The following RXRA variants were observed in gnomAD, a reference collection of about 807,000 sequenced individuals.
RXRA encodes the protein retinoid X receptor alpha, also known as retinoic acid receptor RXR-alpha.
A neutral mutation model predicts 44.5 loss-of-function variants in RXRA; 5 were observed. The ratio of observed to expected loss-of-function variants is 0.11; its 90% CI spans 0.06 to 0.24. The LOEUF (loss-of-function observed/expected upper bound fraction) is 0.24. Among genes scored for constraint, RXRA ranks in the 10% least tolerant of loss-of-function variants. RXRA has a pLI of 1.00. For missense variants in RXRA, 412 were observed against 646.5 expected, an observed-to-expected ratio of 0.64 and a Z score of 3.93; for synonymous variants, 291 against 271.4, an observed-to-expected ratio of 1.07 and a Z score of -0.71.
chr9:134,371,759 G>A (rs1588270284), intron 1 of RXRA, among the ~76,000 whole-genome samples: 1 of 152,192 alleles, frequency 6.6e-6, no homozygotes, highest in South Asian at 2.1e-4. Flanking sequence ...GAGGATGAGG[G>A]TCATCAACTG....
At chr9:134,379,398 A>G (rs1448272332) in intron 1 of RXRA, 1 of 987,234 alleles carries the variant, frequency 1.0e-6, no homozygotes, top group East Asian at 1.1e-4. Flanking sequence ...CTTCTGGGGC[A>G]CCCTGAGATG....
At chr9:134,367,181 G>A (rs994738015) in intron 1 of RXRA, among the ~76,000 whole-genome samples, 11 of 152,144 alleles carry the variant, frequency 7.2e-5, no homozygotes, top group African/African-American at 2.2e-4. Context: ...CCCCGTGCCC[G>A]CTGGAGCTGC....
chr9:134,386,236 G>A (rs1013287264), intron 1 of RXRA, among the ~76,000 whole-genome samples: 13 of 152,252 alleles, frequency 8.5e-5, no homozygotes, highest in Admixed American at 2.0e-4. Flanking sequence ...TGCATCACCC[G>A]AGGCTGTGGG....
chr9:134,418,107 G>C (rs7034965), intron 5 of RXRA, among the ~76,000 whole-genome samples: 1 of 151,952 alleles, frequency 6.6e-6, no homozygotes, highest in South Asian at 2.1e-4. Flanking sequence ...GGCGTTCTGA[G>C]CCCCTCCTAC....
chr9:134,434,865 G>GT (rs1554757190), intron 9 of RXRA, among the ~76,000 whole-genome samples: 1 of 149,988 alleles, frequency 6.7e-6, no homozygotes, highest in Non-Finnish European at 1.5e-5. Context: ...GTGGGGCGGG[G>GT]AGGGGGTCGG....
At chr9:134,421,500 T>C (rs747588383) in intron 5 of RXRA, among the ~76,000 whole-genome samples, 176 bp from the exon 6 acceptor site, 40 of 152,170 alleles carry the variant, frequency 2.6e-4, no homozygotes, top group Non-Finnish European at 4.4e-5. Context: ...CCAAGCCCCA[T>C]GTGCCATGCA....
intron 2 of RXRA, chr9:134,402,140 C>G: frequency 1.9e-6 from 1 of 536,586 alleles, no homozygotes; most frequent in Non-Finnish European, 3.3e-6. Context: ...GTGGCCCCTT[C>G]CCATGCCGGA....
intron 1 of RXRA, among the ~76,000 whole-genome samples, chr9:134,388,286 T>TGTGTGTGTGTGTGTGTGTGTGAGA (rs71381810): frequency 6.6e-6 from 1 of 150,888 alleles, no homozygotes; most frequent in Non-Finnish European, 1.5e-5. Context: ...AGAAGCAGTG[T>TGTGTGTGTGTGTGTGTGTGTGAGA]GTGTGTGAGT....
Position 134,366,380 on chromosome 9 carries a change from G to C in RXRA, c.29-35252G>C, listed in dbSNP as rs1830415023. The stretch of plus-strand genomic sequence containing the variant: ...GGCTCCAGAATTGCACGTGATCTCA[G>C]ACGGTTCCCAGCTTCCTCTGCAGGG... On this transcript the variant is annotated intron_variant, in intron 1 of 9. Transcript: ENST00000481739. The surrounding 1 kb of genome is among the most constrained non-coding windows in gnomAD (Gnocchi z 5.9). Among the ~76,000 whole-genome samples, 1 of 152,134 alleles carries C rather than the reference G, an allele frequency of 6.6e-6. No individual in the cohort carries two copies. Among genetic ancestry groups the C allele is most frequent in the Non-Finnish European group, 1.5e-5 (1 of 68,016 alleles).
rs546784422 is a variant in RXRA, at chr9:134,349,401, G to A, written c.28+22742G>A. ...GGGAGGGAAGGCCTCTCCACGGGGAGCAGGAGGGAGGAGAGGGACAGGCTG... is the reference window on the plus strand; with the variant it reads ...GGGAGGGAAGGCCTCTCCACGGGGAACAGGAGGGAGGAGAGGGACAGGCTG... On this transcript the variant is annotated intron_variant, in intron 1 of 9. Coordinates refer to ENST00000481739, the MANE Select transcript of RXRA (RefSeq NM_002957.6). This position sits in a 1 kb window ranked among gnomAD's most constrained non-coding sequence, Gnocchi z 4.3. 3.0e-4 allele frequency among the ~76,000 whole-genome samples: 46 copies of A among 152,294 alleles called. No individual in the cohort carries two copies. The highest frequency in any genetic ancestry group is 1.1e-3 in the African/African-American group (46 of 41,566).
At chr9:134,359,552 G>T (rs1307823202) in intron 1 of RXRA, among the ~76,000 whole-genome samples, 2 of 152,190 alleles carry the variant, frequency 1.3e-5, no homozygotes, top group Non-Finnish European at 1.5e-5. Context: ...CTTGGAGGGT[G>T]AGGGTGCCCG....
At position 134,422,008 on chromosome 9, in the gene RXRA, C is replaced by T. The variant is rs527428938; in HGVS notation, c.910+203C>T. The T allele has an allele frequency of 1.3e-4, 187 of 1,448,932 alleles. No homozygotes were observed. The Middle Eastern group carries it at 1.6e-3, about 12-fold the overall frequency. 89.8% of individuals were successfully genotyped at this position (1,448,932 alleles called of 1,614,324 possible). ...TACCTCCCGGGACACTCCCCCTTCC[C>T]GGAACACACTCCCCCCTCCCTGGAT... On this transcript the variant is annotated intron_variant, in intron 6 of 9. Transcript: ENST00000481739.
Position 134,423,013 on chromosome 9 carries a change from C to T in RXRA, c.910+1208C>T, listed in dbSNP as rs1473113928. ...GCATCACACTCCCCGTGATGCCATG[C>T]GGCGGCCAGGACGGTGGCTGGGAGC... On this transcript the variant is annotated intron_variant, in intron 6 of 9. Transcript: ENST00000481739. 15 of 985,376 alleles carry T rather than the reference C, an allele frequency of 1.5e-5. No individual in the cohort carries two copies. In the South Asian group the frequency reaches 2.3e-4, roughly 15 times the overall value. 61.0% of individuals were successfully genotyped at this position (985,376 alleles called of 1,614,324 possible).
intron 1 of RXRA, chr9:134,379,344 T>G: frequency 1.1e-5 from 11 of 987,412 alleles, no homozygotes; most frequent in Non-Finnish European, 1.3e-5. Flanking sequence ...GGGGGCTCCG[T>G]GACAGACAGT....
intron 1 of RXRA, among the ~76,000 whole-genome samples, chr9:134,388,962 C>G (rs1049818098): frequency 6.6e-6 from 1 of 152,186 alleles, no homozygotes; most frequent in Non-Finnish European, 1.5e-5. Flanking sequence ...TCCTCTCCTT[C>G]GTGCTGGATG....
chr9:134,352,494 C>G lies in RXRA; in HGVS notation c.28+25835C>G, dbSNP rs538287563. On this transcript the variant is annotated intron_variant, in intron 1 of 9. Coordinates refer to ENST00000481739, the MANE Select transcript of RXRA (RefSeq NM_002957.6). The stretch of plus-strand genomic sequence containing the variant: ...GCTGTCCTGCCCTCCCTGCCTCGCC[C>G]CTGCCCAGCAGTGGGCAGCAGTGGT... Among the ~76,000 whole-genome samples the G allele has an allele frequency of 4.6e-5, 7 of 152,270 alleles. No individual in the cohort carries two copies. In the East Asian group the frequency reaches 1.2e-3, roughly 25 times the overall value.
chr9:134,405,348 C>T (rs1267955389), intron 2 of RXRA: 1 of 152,306 alleles, frequency 6.6e-6, no homozygotes, highest in Non-Finnish European at 1.5e-5. Flanking sequence ...CCACTCTTCT[C>T]AGATGTGCAG....
intron 5 of RXRA, among the ~76,000 whole-genome samples, chr9:134,419,710 C>T (rs1470649970): frequency 1.3e-5 from 2 of 152,180 alleles, no homozygotes; most frequent in Non-Finnish European, 2.9e-5. Flanking sequence ...GATCTCCAGG[C>T]GAGAATGGGA....
At chr9:134,364,635 T>C (rs762006786) in intron 1 of RXRA, among the ~76,000 whole-genome samples, 3 of 152,088 alleles carry the variant, frequency 2.0e-5, no homozygotes, top group Non-Finnish European at 2.9e-5. Context: ...GCCAGGGGTG[T>C]GGATATGGCA....
Sources: allele counts gnomAD v4.1 joint callset (sites outside exome capture counted in the v4.1 genomes callset), GRCh38; gene constraint gnomAD v4.1.1; non-coding constraint Gnocchi (gnomAD v3.1); transcripts MANE v1.5; gene names NCBI Gene and HGNC (gene_info 2026-07-23, HGNC 2026-07-21).